Variants in CCDC60 observed in about 807,000 individuals in gnomAD.
CCDC60 encodes coiled-coil domain-containing protein 60.
In CCDC60, 54 loss-of-function variants were observed where a neutral mutation model predicts 63.5. That is an observed-to-expected ratio of 0.85 (90% CI 0.68 to 1.07). CCDC60 has a LOEUF of 1.07. Among genes scored for constraint, CCDC60 ranks in the 50% least tolerant of loss-of-function variants. The probability of loss-of-function intolerance (pLI) is 0.00; values close to 1 mark genes in which losing one functional copy is unlikely to be tolerated. For synonymous variants in CCDC60, 206 were observed against 238.8 expected (o/e 0.86, Z 1.27); for missense variants, 651 against 684.3 (o/e 0.95, Z 0.54).
intron 3 of CCDC60, among the ~76,000 whole-genome samples, chr12:119,478,156 A>T (rs1951219026): frequency 6.6e-6 from 1 of 152,062 alleles, no homozygotes; most frequent in South Asian, 2.1e-4. Context: ...TCTACTTAAA[A>T]TACAAAAAAG....
intron 4 of CCDC60, among the ~76,000 whole-genome samples, chr12:119,485,576 C>T (rs1335878767): frequency 6.6e-6 from 1 of 152,132 alleles, no homozygotes; most frequent in Non-Finnish European, 1.5e-5. Flanking sequence ...TCTCTGTGTC[C>T]TCATATGGTC....
intron 5 of CCDC60, among the ~76,000 whole-genome samples, chr12:119,497,516 G>C (rs1051496633): frequency 6.6e-6 from 1 of 152,192 alleles, no homozygotes; most frequent in Non-Finnish European, 1.5e-5. Context: ...GCTGCTTGAA[G>C]TCGCAATAGA....
At chr12:119,418,397 T>C (rs1372102283) in intron 1 of CCDC60, among the ~76,000 whole-genome samples, 2 of 10,636 alleles carry the variant, frequency 1.9e-4, no homozygotes, top group African/African-American at 1.0e-3. Context: ...TTTTTTTTTT[T>C]TTTTTTTTTT....
At chr12:119,436,024 A>G (rs1375583954) in intron 2 of CCDC60, among the ~76,000 whole-genome samples, 1 of 152,214 alleles carries the variant, frequency 6.6e-6, no homozygotes, top group African/African-American at 2.4e-5. Flanking sequence ...GAATGAAAGT[A>G]TGTGAGATCT....
chr12:119,482,143 T>TAC lies in CCDC60; in HGVS notation c.449+2956_449+2957dup, dbSNP rs997114191. On this transcript the variant is annotated intron_variant, in intron 4 of 13. Coordinates refer to ENST00000327554, the MANE Select transcript of CCDC60 (RefSeq NM_178499.5). ...ATATACATATATATACACATATATA[T>TAC]ACACACACACACACATACACACACA... Among the ~76,000 whole-genome samples, 26 of 143,486 alleles carry TAC rather than the reference T, an allele frequency of 1.8e-4. 1 individual carries two copies. Among genetic ancestry groups the TAC allele is most frequent in the East Asian group, 5.9e-4 (3 of 5,126 alleles). 94.1% of individuals were successfully genotyped at this position (143,486 alleles called of 152,430 possible). A position where few individuals can be genotyped will look rare whatever the true frequency, so the allele number is the denominator to read the frequency against.
chr12:119,505,436 T>C (rs1951971492), intron 7 of CCDC60, 133 bp downstream of exon 7: 1 of 630,764 alleles, frequency 1.6e-6, no homozygotes, highest in Non-Finnish European at 2.8e-6. Context: ...CTTGTTCAAT[T>C]TCCTTGGACC....
At chr12:119,367,951 T>C (rs1190670566) in intron 1 of CCDC60, among the ~76,000 whole-genome samples, 1 of 151,780 alleles carries the variant, frequency 6.6e-6, no homozygotes, top group Non-Finnish European at 1.5e-5. Flanking sequence ...ATCATGGTGA[T>C]GGTTGCACAT....
chr12:119,519,944 C>A (rs78283365), intron 8 of CCDC60, among the ~76,000 whole-genome samples, 177 bp from the exon 9 acceptor site: 2 of 151,874 alleles, frequency 1.3e-5, no homozygotes, highest in African/African-American at 4.8e-5. Flanking sequence ...ATTCAAGTCC[C>A]AGGAAATGTG....
At chr12:119,338,796 C>A (rs576764062) in intron 1 of CCDC60, among the ~76,000 whole-genome samples, 14 of 152,078 alleles carry the variant, frequency 9.2e-5, no homozygotes, top group African/African-American at 4.8e-5. Flanking sequence ...TGGCCTCTCC[C>A]GGGGGAAGGT....
At chr12:119,476,703 G>A (rs739424) in intron 3 of CCDC60, among the ~76,000 whole-genome samples, 56,347 of 151,892 alleles carry the variant, frequency 0.37, 11,006 homozygotes, top group South Asian at 0.62. Context: ...TCTCAGCAGG[G>A]GTTCCAAGGC....
intron 1 of CCDC60, among the ~76,000 whole-genome samples, chr12:119,395,932 GCAT>G (rs2136208225): frequency 6.6e-6 from 1 of 150,592 alleles, no homozygotes; most frequent in Non-Finnish European, 1.5e-5. Flanking sequence ...CCTCCATCAT[GCAT>G]CCTTTTCTTT....
At chr12:119,459,287 G>T (rs1472620505) in intron 2 of CCDC60, among the ~76,000 whole-genome samples, 1 of 152,282 alleles carries the variant, frequency 6.6e-6, no homozygotes, top group Middle Eastern at 3.4e-3. Context: ...AGATTCAAGA[G>T]GTCTGGGGTG....
intron 2 of CCDC60, among the ~76,000 whole-genome samples, chr12:119,463,272 T>A (rs1408498949): frequency 2.6e-5 from 4 of 152,166 alleles, no homozygotes; most frequent in African/African-American, 9.7e-5. Context: ...CCCAAGTTAG[T>A]CCTTGACCCA....
chr12:119,490,928 T>C (rs1267146840), intron 5 of CCDC60, among the ~76,000 whole-genome samples: 3 of 152,228 alleles, frequency 2.0e-5, no homozygotes, highest in Non-Finnish European at 4.4e-5. Flanking sequence ...TGGAAATCTT[T>C]CAAAAAATGT....
intron 1 of CCDC60, among the ~76,000 whole-genome samples, chr12:119,394,955 TGAA>T (rs1956224379): frequency 6.6e-6 from 1 of 152,174 alleles, no homozygotes; most frequent in African/African-American, 2.4e-5. Flanking sequence ...GAGGGAGAAT[TGAA>T]GAAGGGGGTG....
chr12:119,448,507 A>G (rs1317810395), intron 2 of CCDC60, among the ~76,000 whole-genome samples: 2 of 152,192 alleles, frequency 1.3e-5, no homozygotes, highest in African/African-American at 2.4e-5. Flanking sequence ...CCTGCCTGAC[A>G]CACAGAGAGT....
chr12:119,441,959 T>C (rs926654433), intron 2 of CCDC60, among the ~76,000 whole-genome samples: 2 of 152,216 alleles, frequency 1.3e-5, no homozygotes, highest in African/African-American at 4.8e-5. Context: ...CTTTAGAAGA[T>C]ACTGCCAGTT....
At chr12:119,353,229 CT>C (rs907219197) in intron 1 of CCDC60, among the ~76,000 whole-genome samples, 4 of 152,012 alleles carry the variant, frequency 2.6e-5, no homozygotes, top group African/African-American at 9.7e-5. Context: ...TGTTCCTTGT[CT>C]GCCTGTGAAG....
intron 1 of CCDC60, among the ~76,000 whole-genome samples, chr12:119,417,341 A>C (rs968420640): frequency 6.6e-6 from 1 of 152,110 alleles, no homozygotes; most frequent in African/African-American, 2.4e-5. Flanking sequence ...ATCCTGAGGA[A>C]GAGAGATCTT....
Sources: allele counts gnomAD v4.1 joint callset (sites outside exome capture counted in the v4.1 genomes callset), GRCh38; gene constraint gnomAD v4.1.1; transcripts MANE v1.5; gene names NCBI Gene and HGNC (gene_info 2026-07-23, HGNC 2026-07-21).